Variants in COL4A4 observed in about 807,000 individuals in gnomAD.
COL4A4 encodes collagen type IV alpha 4 chain.
In COL4A4, 105 loss-of-function variants were observed where a neutral mutation model predicts 192.9. The observed-to-expected ratio is 0.54, with a 90% CI of 0.46 to 0.64. The LOEUF is 0.64. COL4A4 is among the 30% of genes least tolerant of loss of function. The pLI is 0.00. For synonymous variants in COL4A4, 762 were observed against 769.9 expected (o/e 0.99, Z 0.17); for missense variants, 1,967 against 2,169.3 (o/e 0.91, Z 1.85).
At chr2:227,154,996 C>T (rs1209620708) in intron 1 of COL4A4, among the ~76,000 whole-genome samples, 1 of 152,158 alleles carries the variant, frequency 6.6e-6, no homozygotes, top group Non-Finnish European at 1.5e-5. Context: ...CACTCTCATC[C>T]CACATCCCAA....
the COL4A4 span, among the ~76,000 whole-genome samples, chr2:226,972,744 C>G: frequency 6.6e-6 from 1 of 152,168 alleles, no homozygotes; most frequent in Non-Finnish European, 1.5e-5. Flanking sequence ...TCCAGGGGCT[C>G]TCTGCTCACA....
intron 44 of COL4A4, among the ~76,000 whole-genome samples, chr2:227,019,262 AACGTTCT>A (rs1227953921): frequency 1.3e-5 from 2 of 152,248 alleles, no homozygotes; most frequent in Non-Finnish European, 2.9e-5. Flanking sequence ...CTTGCTAAGA[AACGTTCT>A]ACTCTTAGCT....
intron 4 of COL4A4, among the ~76,000 whole-genome samples, chr2:227,127,191 C>T (rs375829572): frequency 1.1e-4 from 16 of 152,300 alleles, no homozygotes; most frequent in African/African-American, 3.1e-4. Context: ...TGGCTACGTG[C>T]GCATGCAACT....
At chr2:227,094,715 C>T (rs367827257) in intron 19 of COL4A4, among the ~76,000 whole-genome samples, 4 of 152,270 alleles carry the variant, frequency 2.6e-5, no homozygotes, top group East Asian at 1.9e-4. Flanking sequence ...TCACCACCCC[C>T]CACAAATGAT....
At chr2:226,997,770 G>C (rs1303577386), downstream of COL4A4, 1 of 152,240 alleles carries the variant, frequency 6.6e-6, no homozygotes, top group African/African-American at 2.4e-5. Context: ...TCTTAGTGAT[G>C]TGAGAAAGGT....
chr2:227,144,494 C>G (rs377280593), intron 3 of COL4A4, 22 bp downstream of exon 3: 47 of 1,599,024 alleles, frequency 2.9e-5, no homozygotes, highest in Non-Finnish European at 7.7e-6. Flanking sequence ...ACAACGCAAC[C>G]AGAGCTAGTG....
intron 30 of COL4A4, among the ~76,000 whole-genome samples, chr2:227,055,115 A>G (rs1162465794): frequency 3.9e-5 from 6 of 152,128 alleles, no homozygotes; most frequent in African/African-American, 7.2e-5. Flanking sequence ...ACAGGCTAGT[A>G]TGATTCTTAT....
chr2:227,104,179 G>C, intron 12 of COL4A4, 127 bp from the exon 13 acceptor site: 1 of 786,644 alleles, frequency 1.3e-6, no homozygotes, highest in South Asian at 1.4e-5. Flanking sequence ...GTTGTGGCAA[G>C]TACATCATAG....
chr2:227,028,799 G>T (rs1967621132), intron 41 of COL4A4, among the ~76,000 whole-genome samples: 1 of 151,730 alleles, frequency 6.6e-6, no homozygotes, highest in Non-Finnish European at 1.5e-5. Flanking sequence ...GGGACTACAG[G>T]CACACACCAC....
chr2:227,067,914 T>G (rs1357622115), intron 25 of COL4A4, among the ~76,000 whole-genome samples: 28 of 137,430 alleles, frequency 2.0e-4, no homozygotes, highest in African/African-American at 6.8e-4. Context: ...CTTCAAAAAA[T>G]TAATGAATCC....
chr2:227,134,695 C>G (rs776736783), intron 4 of COL4A4, among the ~76,000 whole-genome samples: 1 of 152,122 alleles, frequency 6.6e-6, no homozygotes, highest in South Asian at 2.1e-4. Flanking sequence ...TGAATGAGAT[C>G]GCAGGGAAAA....
chr2:226,981,435 C>CAA, the COL4A4 span, among the ~76,000 whole-genome samples: 3 of 137,080 alleles, frequency 2.2e-5, no homozygotes, highest in African/African-American at 2.7e-5. Context: ...CATTGAACTT[C>CAA]AAAAAAAAAA....
intron 4 of COL4A4, among the ~76,000 whole-genome samples, chr2:227,124,315 C>T (rs2125076775): frequency 6.6e-6 from 1 of 152,286 alleles, no homozygotes; most frequent in East Asian, 1.9e-4. Flanking sequence ...GCAAAGACCG[C>T]AATTACTTCT....
chr2:227,020,758 T>G (rs2149838094), intron 44 of COL4A4, among the ~76,000 whole-genome samples: 1 of 152,268 alleles, frequency 6.6e-6, no homozygotes, highest in Non-Finnish European at 1.5e-5. Context: ...CTACTATCAA[T>G]GGATCTAAAG....
chr2:227,061,253 T>C (rs10933167), intron 26 of COL4A4, among the ~76,000 whole-genome samples: 98,009 of 152,094 alleles, frequency 0.64, 32,190 homozygotes, highest in African/African-American at 0.76. Flanking sequence ...TTCTCCACTC[T>C]GCTGATACGG....
the COL4A4 span, among the ~76,000 whole-genome samples, chr2:226,979,337 T>C: frequency 3.9e-5 from 6 of 152,230 alleles, no homozygotes; most frequent in East Asian, 1.2e-3. Flanking sequence ...GCAGAATTTA[T>C]TGGGTGAAAA....
chr2:227,051,290 G>T, intron 32 of COL4A4, 132 bp from the exon 33 acceptor site: 2 of 906,330 alleles, frequency 2.2e-6, no homozygotes, highest in Non-Finnish European at 1.8e-6. Context: ...GTCCCAAGCC[G>T]CTTCCTGATC....
At chr2:227,134,739 GAAGA>G (rs1351729662) in intron 4 of COL4A4, among the ~76,000 whole-genome samples, 1 of 152,184 alleles carries the variant, frequency 6.6e-6, no homozygotes, top group East Asian at 1.9e-4. Context: ...GAAATTCTCC[GAAGA>G]AAGAATGACT....
At chr2:227,035,538 A>T (rs1969464014) in intron 37 of COL4A4, among the ~76,000 whole-genome samples, 1 of 152,022 alleles carries the variant, frequency 6.6e-6, no homozygotes, top group Non-Finnish European at 1.5e-5. Flanking sequence ...CCAAAAAAAA[A>T]AAAAAAATGG....
Sources: gnomAD v4.1 joint callset for allele counts (sites outside exome capture counted in the v4.1 genomes callset) on GRCh38, gnomAD v4.1.1 for gene constraint, MANE v1.5 for transcripts, NCBI Gene and HGNC (gene_info 2026-07-23, HGNC 2026-07-21) for gene names.